Variants in DNAH14 observed in about 807,000 individuals in gnomAD.
DNAH14 encodes the protein axonemal beta dynein heavy chain 14.
DNAH14 carries 478 observed loss-of-function variants against 520.9 expected under a neutral mutation model. The ratio of observed to expected loss-of-function variants is 0.92; its 90% CI spans 0.85 to 0.99. The LOEUF (loss-of-function observed/expected upper bound fraction) is 0.99, where lower values mean the gene tolerates loss of function less well. Ranked by LOEUF, DNAH14 falls within the 50% of genes least tolerant of loss-of-function variation. The pLI is 0.00. For missense variants in DNAH14, 4,831 were observed against 5,234.5 expected (o/e 0.92, Z 2.38); for synonymous variants, 1,581 against 1,757.2 (o/e 0.90, Z 2.51).
intron 7 of DNAH14, among the ~76,000 whole-genome samples, chr1:224,973,356 G>T (rs2061615019): frequency 6.6e-6 from 1 of 152,156 alleles, no homozygotes; most frequent in African/African-American, 2.4e-5. Flanking sequence ...ATCTCACATT[G>T]GCAAACAAGT....
chr1:225,333,569 A>G, intron 66 of DNAH14, 63 bp downstream of exon 66: 1 of 1,416,572 alleles, frequency 7.1e-7, no homozygotes, highest in Non-Finnish European at 9.6e-7. Flanking sequence ...TTTTAGCTGT[A>G]TGTGTAGTTT....
intron 7 of DNAH14, among the ~76,000 whole-genome samples, chr1:224,972,091 T>G (rs1223482094): frequency 1.3e-5 from 2 of 152,196 alleles, no homozygotes; most frequent in East Asian, 1.9e-4. Flanking sequence ...TTATCATTTA[T>G]TAAACTTTTT....
At chr1:225,208,418 G>A (rs2087882625) in intron 41 of DNAH14, among the ~76,000 whole-genome samples, 1 of 152,178 alleles carries the variant, frequency 6.6e-6, no homozygotes, top group Admixed American at 6.6e-5. Context: ...CATAACAACA[G>A]TCAAGGAACT....
At chr1:225,385,276 T>C (rs1162931610) in intron 81 of DNAH14, among the ~76,000 whole-genome samples, 2 of 152,324 alleles carry the variant, frequency 1.3e-5, no homozygotes, top group East Asian at 3.9e-4. Flanking sequence ...AATATCATAC[T>C]GAATGGGCAA....
intron 15 of DNAH14, 66 bp downstream of exon 15, chr1:225,044,049 AT>A: frequency 1.1e-6 from 1 of 921,148 alleles, no homozygotes; most frequent in South Asian, 1.7e-5. Context: ...AAATTTAAGC[AT>A]CTGATGCCTT....
chr1:224,955,305 T>C (rs540125913), intron 3 of DNAH14, among the ~76,000 whole-genome samples: 6 of 152,160 alleles, frequency 3.9e-5, no homozygotes, highest in Non-Finnish European at 8.8e-5. Context: ...GTAACGAATA[T>C]TACTAATACC....
chr1:224,929,917 G>A (rs2058565306), intron 1 of DNAH14, 82 bp downstream of exon 1: 1 of 574,238 alleles, frequency 1.7e-6, no homozygotes, highest in Non-Finnish European at 3.1e-6. Flanking sequence ...GTGTCGCACT[G>A]GGAGGGCTGC....
chr1:225,228,877 G>T lies in DNAH14; in HGVS notation c.6440-2196G>T, dbSNP rs78472185. Among the ~76,000 whole-genome samples, 34 of 152,242 alleles carry T rather than the reference G, an allele frequency of 2.2e-4. 1 individual carries two copies. The highest frequency in any genetic ancestry group is 4.9e-4 in the Non-Finnish European group (33 of 68,012). On this transcript the variant is annotated intron_variant, in intron 41 of 85. Coordinates refer to ENST00000682510, the MANE Select transcript of DNAH14 (RefSeq NM_001367479.1). ...CTTGGAAGGCCGGGGGTTTTGCAAA[G>T]CTTCAGGGAAGAATGAGCTGAAGGC... is the stretch of plus-strand genomic sequence containing the variant.
chr1:225,306,758 G>C (rs1248551401), intron 58 of DNAH14, among the ~76,000 whole-genome samples: 4 of 151,914 alleles, frequency 2.6e-5, no homozygotes, highest in Non-Finnish European at 5.9e-5. Context: ...GGCCATGCCA[G>C]GACAATCTTA....
At chr1:224,969,515 A>G (rs1018729681) in intron 7 of DNAH14, 1 of 171,518 alleles carries the variant, frequency 5.8e-6, no homozygotes, top group Non-Finnish European at 1.2e-5. Flanking sequence ...AGGGAGAGAA[A>G]ATAAATTTAC....
intron 31 of DNAH14, 60 bp downstream of exon 31, chr1:225,147,309 G>T: frequency 1.5e-6 from 2 of 1,374,000 alleles, no homozygotes; most frequent in Non-Finnish European, 9.4e-7. Flanking sequence ...TTAATGTTTA[G>T]TTAATTATTG....
intron 21 of DNAH14, among the ~76,000 whole-genome samples, chr1:225,092,650 G>A (rs143051185): frequency 2.4e-3 from 366 of 152,024 alleles, no homozygotes; most frequent in African/African-American, 7.6e-3. Flanking sequence ...ACCCCAAAGC[G>A]AGGAGAAGAT....
intron 41 of DNAH14, among the ~76,000 whole-genome samples, chr1:225,220,378 G>T (rs1050113092): frequency 1.3e-5 from 2 of 152,126 alleles, no homozygotes; most frequent in African/African-American, 4.8e-5. Flanking sequence ...GCCTCTGTTC[G>T]CAAATGACAT....
chr1:225,281,298 A>T (rs1447488981), intron 54 of DNAH14, among the ~76,000 whole-genome samples: 1 of 152,094 alleles, frequency 6.6e-6, no homozygotes, highest in Non-Finnish European at 1.5e-5. Context: ...TCCATCTGTA[A>T]AGCCAGCAAC....
chr1:225,323,562 C>T lies in DNAH14; in HGVS notation c.9496-660C>T, dbSNP rs537473153. Among the ~76,000 whole-genome samples, 3 of 152,264 alleles carry T rather than the reference C, an allele frequency of 2.0e-5. No homozygotes were observed. In the South Asian group the frequency reaches 6.2e-4, roughly 32 times the overall value. On this transcript the variant is annotated intron_variant, in intron 62 of 85. Coordinates refer to ENST00000682510, the MANE Select transcript of DNAH14 (RefSeq NM_001367479.1). ...CACTGCAACCTCCACCTCCTGGGTT[C>T]AAGCGATTCTCCTGCCTCAGCCTCC...
chr1:225,266,422 A>G (rs1455091913), intron 48 of DNAH14, among the ~76,000 whole-genome samples: 1 of 152,172 alleles, frequency 6.6e-6, no homozygotes, highest in Non-Finnish European at 1.5e-5. Flanking sequence ...AGTGTCTGCT[A>G]TTTTGAAAAC....
At chr1:225,332,481 A>AAT (rs2094819410) in intron 65 of DNAH14, among the ~76,000 whole-genome samples, 1 of 152,042 alleles carries the variant, frequency 6.6e-6, no homozygotes, top group Admixed American at 6.6e-5. Flanking sequence ...ACAGCCAGAG[A>AAT]ATATGGGTTC....
chr1:224,966,432 G>T (rs983041013), intron 5 of DNAH14, among the ~76,000 whole-genome samples: 27 of 152,114 alleles, frequency 1.8e-4, no homozygotes, highest in African/African-American at 4.6e-4. Flanking sequence ...GTTTTCTTAT[G>T]ATTTTAGAAT....
chr1:224,999,752 CTATAG>C (rs1395622776), intron 8 of DNAH14, among the ~76,000 whole-genome samples: 2 of 151,596 alleles, frequency 1.3e-5, no homozygotes, highest in Non-Finnish European at 1.5e-5. Flanking sequence ...TTAGTGGTTG[CTATAG>C]TATAAGATTA....
Sources: allele counts gnomAD v4.1 joint callset (sites outside exome capture counted in the v4.1 genomes callset), GRCh38; gene constraint gnomAD v4.1.1; transcripts MANE v1.5; gene names NCBI Gene and HGNC (gene_info 2026-07-23, HGNC 2026-07-21).